Variants in LARP1 observed in about 807,000 individuals in gnomAD.
The protein encoded by LARP1 is La ribonucleoprotein 1, translational regulator, also known as la-related protein 1.
Under a neutral mutation model 122.7 loss-of-function variants are expected in LARP1, and 36 were observed. The observed-to-expected ratio is 0.29, with a 90% CI of 0.22 to 0.39. The LOEUF (loss-of-function observed/expected upper bound fraction) is 0.39, where lower values mean the gene tolerates loss of function less well. Among genes scored for constraint, LARP1 ranks in the 10% least tolerant of loss-of-function variants. The pLI is 1.00. For synonymous variants in LARP1, 539 were observed against 528.7 expected (o/e 1.02, Z -0.27); for missense variants, 1,040 against 1,403.6 (o/e 0.74, Z 4.14).
intron 1 of LARP1, among the ~76,000 whole-genome samples, chr5:154,696,182 C>G (rs1487669243): frequency 6.6e-6 from 1 of 152,046 alleles, no homozygotes; most frequent in Non-Finnish European, 1.5e-5. Flanking sequence ...CACGGAGAAA[C>G]ACTTTTTCTA....
intron 1 of LARP1, among the ~76,000 whole-genome samples, chr5:154,689,561 A>C (rs1467635141): frequency 6.6e-6 from 1 of 151,582 alleles, no homozygotes; most frequent in African/African-American, 2.4e-5. Flanking sequence ...CAGAGGTTGC[A>C]GTGAGCTGAG....
At chr5:154,747,651 G>C (rs1753269393) in intron 1 of LARP1, among the ~76,000 whole-genome samples, 1 of 151,990 alleles carries the variant, frequency 6.6e-6, no homozygotes, top group South Asian at 2.1e-4. Context: ...AGTGAGCCGA[G>C]ATTGTGCCAT....
intron 1 of LARP1, among the ~76,000 whole-genome samples, chr5:154,762,742 C>G (rs1391770226): frequency 6.6e-6 from 1 of 152,174 alleles, no homozygotes; most frequent in Non-Finnish European, 1.5e-5. Flanking sequence ...TGTAATTATT[C>G]TCCAAACTAG....
chr5:154,752,538 C>T (rs116107867), upstream of LARP1, among the ~76,000 whole-genome samples: 11,630 of 152,108 alleles, frequency 0.076, 511 homozygotes, highest in Admixed American at 0.14. Flanking sequence ...CCACTGTGCC[C>T]GGCCTTGGAC....
intron 8 of LARP1, among the ~76,000 whole-genome samples, chr5:154,796,072 AG>A (rs1360225947): frequency 2.6e-5 from 3 of 114,016 alleles, no homozygotes; most frequent in Admixed American, 1.2e-4. Flanking sequence ...ATTTATATAT[AG>A]TATATATATT....
intron 10 of LARP1, 52 bp downstream of exon 10, chr5:154,800,094 C>T (rs2113823538): frequency 6.5e-7 from 1 of 1,549,070 alleles, no homozygotes; most frequent in Non-Finnish European, 8.8e-7. Flanking sequence ...AGCTAGGGTG[C>T]TTGAAGGGGA....
At chr5:154,740,765 A>C (rs1200671811) in intron 1 of LARP1, among the ~76,000 whole-genome samples, 1 of 152,236 alleles carries the variant, frequency 6.6e-6, no homozygotes, top group African/African-American at 2.4e-5. Context: ...GAGGGCCCCT[A>C]TTCTGAGCAC....
intron 1 of LARP1, among the ~76,000 whole-genome samples, chr5:154,772,902 G>A (rs1450220232): frequency 6.6e-6 from 1 of 151,368 alleles, no homozygotes; most frequent in Non-Finnish European, 1.5e-5. Flanking sequence ...GGTCAGTCTG[G>A]TCTCGAACTC....
At chr5:154,811,208 G>A (rs774147650) in intron 16 of LARP1, 39 bp from the exon 17 acceptor site, 2 of 1,496,916 alleles carry the variant, frequency 1.3e-6, no homozygotes, top group Non-Finnish European at 1.9e-6. Context: ...TTTTACAGAT[G>A]AAGAAACTGC....
At chr5:154,697,937 C>T (rs76458420) in intron 1 of LARP1, among the ~76,000 whole-genome samples, 4,615 of 152,160 alleles carry the variant, frequency 0.03, 105 homozygotes, top group Non-Finnish European at 0.044. Flanking sequence ...GTGATCCTCT[C>T]GCCTCAGTCT....
intron 3 of LARP1, chr5:154,792,034 G>T (rs551426588): frequency 2.2e-6 from 1 of 450,630 alleles, no homozygotes. Context: ...TTATTCCCCA[G>T]CCTGTGTTCT....
intron 2 of LARP1, 116 bp from the exon 3 acceptor site, chr5:154,790,529 A>G (rs1757256538): frequency 7.6e-7 from 1 of 1,312,752 alleles, no homozygotes; most frequent in African/African-American, 1.4e-5. Flanking sequence ...TCCAGTGTGA[A>G]TGGTCCTGGT....
chr5:154,793,157 A>T (rs1757468593), intron 4 of LARP1, among the ~76,000 whole-genome samples: 1 of 152,178 alleles, frequency 6.6e-6, no homozygotes, highest in Non-Finnish European at 1.5e-5. Context: ...ATCATCACTG[A>T]TGGCTTCCTA....
upstream of LARP1, among the ~76,000 whole-genome samples, chr5:154,753,143 C>T (rs369231814): frequency 1.3e-5 from 2 of 152,138 alleles, no homozygotes; most frequent in Non-Finnish European, 2.9e-5. Flanking sequence ...CGTACCCTCA[C>T]GAGTTCTCAG....
intron 8 of LARP1, among the ~76,000 whole-genome samples, chr5:154,798,324 T>C (rs1758054910): frequency 6.6e-6 from 1 of 152,248 alleles, no homozygotes; most frequent in African/African-American, 2.4e-5. Context: ...CTACATGTAT[T>C]TGTATCCTTG....
chr5:154,728,820 T>A (rs982549699), intron 1 of LARP1, among the ~76,000 whole-genome samples: 2 of 152,026 alleles, frequency 1.3e-5, no homozygotes, highest in African/African-American at 4.8e-5. Flanking sequence ...AAGGAAGAGC[T>A]CGTTCAGGGC....
chr5:154,691,893 G>T (rs1172155365), intron 1 of LARP1, among the ~76,000 whole-genome samples: 3 of 151,898 alleles, frequency 2.0e-5, no homozygotes, highest in Admixed American at 1.3e-4. Context: ...GGGCTTAGGC[G>T]ATTCTCGTGC....
At chr5:154,727,256 A>G (rs1365668978) in intron 1 of LARP1, among the ~76,000 whole-genome samples, 1 of 152,174 alleles carries the variant, frequency 6.6e-6, no homozygotes, top group Non-Finnish European at 1.5e-5. Context: ...AAAACCCTAA[A>G]CAGAATAAGT....
Position 154,802,232 on chromosome 5 carries a change from C to T in LARP1, c.1942C>T (p.Gln648Ter). ...TGTCAACAAGATCCTCATTGTCACC[C>T]AGACACCACATTACATGCGCCGGCA... ...RDVNKILIVT[Q>*]TPHYMRRHPG... The change falls in exon 11 of 19, where the codon CAG becomes TAG. Residue 648 changes from glutamine to a stop codon, truncating the protein, a stop_gained. Coordinates refer to ENST00000518297, the MANE Select transcript of LARP1 (RefSeq NM_033551.3). LOFTEE classifies it high-confidence loss of function. This position sits in a 1 kb window ranked among gnomAD's most constrained non-coding sequence, Gnocchi z 5.1. 6.2e-7 allele frequency: 1 copy of T among 1,614,206 alleles called. No homozygotes were observed. The highest frequency in any genetic ancestry group is 8.5e-7 in the Non-Finnish European group (1 of 1,180,034).
Sources: allele counts gnomAD v4.1 joint callset (sites outside exome capture counted in the v4.1 genomes callset), GRCh38; gene constraint gnomAD v4.1.1; non-coding constraint Gnocchi (gnomAD v3.1); transcripts MANE v1.5; gene names NCBI Gene and HGNC (gene_info 2026-07-23, HGNC 2026-07-21).